DKK2: variants seen among roughly 807,000 people sequenced by gnomAD.
The protein encoded by DKK2 is dickkopf-related protein 2.
A neutral mutation model predicts 28.1 loss-of-function variants in DKK2; 11 were observed. The ratio of observed to expected loss-of-function variants is 0.39; its 90% CI spans 0.25 to 0.65. DKK2 has a LOEUF of 0.65. DKK2 is among the 30% of genes least tolerant of loss of function. The probability of loss-of-function intolerance (pLI) is 0.47; values close to 1 mark genes in which losing one functional copy is unlikely to be tolerated. For missense variants in DKK2, 326 were observed against 335.5 expected (o/e 0.97, Z 0.22); for synonymous variants, 135 against 126.5 (o/e 1.07, Z -0.45).
At chr4:106,957,068 C>T (rs1464080658) in intron 1 of DKK2, among the ~76,000 whole-genome samples, 7 of 151,834 alleles carry the variant, frequency 4.6e-5, no homozygotes, top group African/African-American at 7.3e-5. Flanking sequence ...AAAAAACAAA[C>T]AACCCCATCA....
intron 1 of DKK2, among the ~76,000 whole-genome samples, chr4:106,955,829 T>G (rs927633164): frequency 6.6e-6 from 1 of 152,186 alleles, no homozygotes. Context: ...CAGTAAAGAT[T>G]TGAAGTATAT....
intron 3 of DKK2, 163 bp downstream of exon 3, chr4:106,924,382 A>T: frequency 8.1e-7 from 1 of 1,236,704 alleles, no homozygotes; most frequent in African/African-American, 1.5e-5. Context: ...TAAATCTATT[A>T]TGGTCTGTTT....
At position 106,922,000 on chromosome 4, in the gene DKK2, A is replaced by C. The variant is rs901453955; in HGVS notation, c.*1954T>G. 5.2e-5 allele frequency: 8 copies of C among 152,724 alleles called. No homozygotes were observed. Among genetic ancestry groups the C allele is most frequent in the Non-Finnish European group, 1.0e-4 (7 of 68,014 alleles). The allele number at this position is 152,724 out of a possible 1,614,324, so 9.5% of individuals were successfully genotyped here. A position where few individuals can be genotyped will look rare whatever the true frequency, so the allele number is the denominator to read the frequency against. ...ATTTTTAAAAGGGTGGACATAAGAA[A>C]AATATTGCAGAAACCAAATTGTAAA... On this transcript the variant is annotated 3_prime_UTR_variant, in exon 4 of 4. Transcript: ENST00000285311.
At chr4:106,988,438 T>A (rs1236729294) in intron 1 of DKK2, among the ~76,000 whole-genome samples, 1 of 152,182 alleles carries the variant, frequency 6.6e-6, no homozygotes, top group Non-Finnish European at 1.5e-5. Flanking sequence ...TTACATTTAA[T>A]CAGACAGTAT....
intron 1 of DKK2, among the ~76,000 whole-genome samples, chr4:107,035,122 T>C (rs2850412): frequency 0.79 from 120,517 of 152,062 alleles, 47,937 homozygotes; most frequent in African/African-American, 0.84. Flanking sequence ...GATCTTGATA[T>C]GTGCCCACGC....
At position 106,923,857 on chromosome 4, in the gene DKK2, G is replaced by C; in HGVS notation, c.*97C>G. The C allele has an allele frequency of 1.4e-5, 21 of 1,477,670 alleles. No homozygotes were observed. The highest frequency in any genetic ancestry group is 1.9e-5 in the Non-Finnish European group (21 of 1,088,950). 91.5% of individuals were successfully genotyped at this position (1,477,670 alleles called of 1,614,324 possible). On this transcript the variant is annotated 3_prime_UTR_variant, in exon 4 of 4. Transcript: ENST00000285311. The stretch of plus-strand genomic sequence containing the variant: ...TATTCTTATCACGTTTCTTATTTTA[G>C]CCATTCTTCTGCATCTGAACCTTAT...
chr4:106,974,558 A>T (rs145661236), intron 1 of DKK2, among the ~76,000 whole-genome samples: 1 of 152,112 alleles, frequency 6.6e-6, no homozygotes, highest in Non-Finnish European at 1.5e-5. Flanking sequence ...TTATTGGTGT[A>T]TAGGAATGCT....
rs76946049 is a variant in DKK2 at position 106,993,547 on chromosome 4, A to G, written c.222+41823T>C. 1.8e-3 allele frequency among the ~76,000 whole-genome samples: 279 copies of G among 152,186 alleles called. 1 individual carries two copies. Among genetic ancestry groups the G allele is most frequent in the African/African-American group, 6.3e-3 (263 of 41,492 alleles). On this transcript the variant is annotated intron_variant, in intron 1 of 3. Coordinates refer to ENST00000285311, the MANE Select transcript of DKK2 (RefSeq NM_014421.3). Reference sequence around the variant, plus strand: ...CAGATTGAATTGCTGGATTCCTCCAAGCTATTAGGGATTAAAGGGGGAATA... The same window carrying G: ...CAGATTGAATTGCTGGATTCCTCCAGGCTATTAGGGATTAAAGGGGGAATA...
chr4:106,965,252 C>T (rs1241735286), intron 1 of DKK2, among the ~76,000 whole-genome samples: 1 of 151,994 alleles, frequency 6.6e-6, no homozygotes, highest in Non-Finnish European at 1.5e-5. Context: ...TGTCTTTGCC[C>T]TATTTTGTTA....
At chr4:106,928,172 A>G (rs781430015) in intron 1 of DKK2, among the ~76,000 whole-genome samples, 2 of 152,160 alleles carry the variant, frequency 1.3e-5, no homozygotes, top group Admixed American at 1.3e-4. Flanking sequence ...AGATGACATT[A>G]AAAAAATGGG....
chr4:106,947,686 T>C (rs1034587644), intron 1 of DKK2, among the ~76,000 whole-genome samples: 9 of 151,524 alleles, frequency 5.9e-5, no homozygotes, highest in African/African-American at 1.9e-4. Flanking sequence ...TTTTTTTTTT[T>C]TTTTTAGAGA....
At chr4:106,953,645 G>A (rs554586148) in intron 1 of DKK2, among the ~76,000 whole-genome samples, 2 of 152,266 alleles carry the variant, frequency 1.3e-5, no homozygotes, top group African/African-American at 4.8e-5. Flanking sequence ...AGGCTACTGA[G>A]AGAATACTTT....
chr4:106,927,294 C>G (rs1275726110), intron 1 of DKK2, among the ~76,000 whole-genome samples: 1 of 152,066 alleles, frequency 6.6e-6, no homozygotes, highest in African/African-American at 2.4e-5. Flanking sequence ...CTCCTCCTGC[C>G]CATCTCCTGC....
At chr4:106,962,974 C>A (rs1182162509) in intron 1 of DKK2, among the ~76,000 whole-genome samples, 2 of 152,026 alleles carry the variant, frequency 1.3e-5, no homozygotes, top group Non-Finnish European at 2.9e-5. Flanking sequence ...GTAGGGGAAT[C>A]GCTTGAAACT....
chr4:106,985,448 A>C (rs1424563135), intron 1 of DKK2, among the ~76,000 whole-genome samples: 3 of 152,172 alleles, frequency 2.0e-5, no homozygotes, highest in South Asian at 4.2e-4. Context: ...GGTACACCGG[A>C]TGTCTTTACA....
chr4:106,998,101 A>C (rs1029553421), intron 1 of DKK2, among the ~76,000 whole-genome samples: 4 of 152,176 alleles, frequency 2.6e-5, no homozygotes, highest in Non-Finnish European at 5.9e-5. Context: ...TAAGTAGGTG[A>C]GGTAGGAGAA....
At chr4:106,962,222 G>T (rs185398784) in intron 1 of DKK2, among the ~76,000 whole-genome samples, 1 of 151,630 alleles carries the variant, frequency 6.6e-6, no homozygotes, top group African/African-American at 2.4e-5. Flanking sequence ...GTTATTTATG[G>T]ATTTCAAAAT....
At chr4:107,008,967 A>C (rs561330410) in intron 1 of DKK2, among the ~76,000 whole-genome samples, 7 of 152,160 alleles carry the variant, frequency 4.6e-5, no homozygotes, top group African/African-American at 1.7e-4. Context: ...CTCTATGATC[A>C]GGAATATTTG....
Position 106,923,841 on chromosome 4 carries a change from C to A in DKK2, c.*113G>T, listed in dbSNP as rs918963174. ...TTTTTGTGATCATCTATATTCTTATCACGTTTCTTATTTTAGCCATTCTTC... is the reference window on the plus strand; with the variant it reads ...TTTTTGTGATCATCTATATTCTTATAACGTTTCTTATTTTAGCCATTCTTC... On this transcript the variant is annotated 3_prime_UTR_variant, in exon 4 of 4. Transcript: ENST00000285311. 5.4e-5 allele frequency: 75 copies of A among 1,398,338 alleles called. No homozygotes were observed. Among genetic ancestry groups the A allele is most frequent in the Non-Finnish European group, 7.1e-5 (73 of 1,024,372 alleles). 86.6% of individuals were successfully genotyped at this position (1,398,338 alleles called of 1,614,324 possible). A position where few individuals can be genotyped will look rare whatever the true frequency, so the allele number is the denominator to read the frequency against.
Sources: allele counts gnomAD v4.1 joint callset (sites outside exome capture counted in the v4.1 genomes callset), GRCh38; gene constraint gnomAD v4.1.1; transcripts MANE v1.5; gene names NCBI Gene and HGNC (gene_info 2026-07-23, HGNC 2026-07-21).